ZSWIM9: variants seen among roughly 807,000 people sequenced by gnomAD.
The protein encoded by ZSWIM9 is zinc finger SWIM-type containing 9.
A neutral mutation model predicts 25.0 loss-of-function variants in ZSWIM9; 11 were observed. The observed-to-expected ratio is 0.44, with a 90% CI of 0.28 to 0.73. The LOEUF (loss-of-function observed/expected upper bound fraction) is 0.73. Ranked by LOEUF, ZSWIM9 falls within the 30% of genes least tolerant of loss-of-function variation. The pLI is 0.16. For synonymous variants in ZSWIM9, 562 were observed against 582.1 expected (o/e 0.97, Z 0.50); for missense variants, 1,070 against 1,296.5 (o/e 0.83, Z 2.68).
At position 48,195,872 on chromosome 19, in the gene ZSWIM9, G is replaced by C; in HGVS notation, c.1808G>C (p.Arg603Pro). ...TGGAGGGTGGCCCAGCTGGAAGATCGCAGGAGTACCACCGACCTGAGGGGG... is the reference window on the plus strand; with the variant it reads ...TGGAGGGTGGCCCAGCTGGAAGATCCCAGGAGTACCACCGACCTGAGGGGG... ...YTWRVAQLED[R>P]RSTTDLRGTQ... Residue 603 changes from arginine (R) to proline (P), a missense_variant, in exon 4 of 4, where the codon CGC (arginine) becomes CCC (proline). This residue lies in a region of ZSWIM9 where 583 missense variants were observed against 624.7 expected (regional missense o/e 0.93). Transcript: ENST00000614654. This position sits in a 1 kb window ranked among gnomAD's most constrained non-coding sequence, Gnocchi z 5.8. 7.0e-7 allele frequency: 1 copy of C among 1,419,852 alleles called. No individual in the cohort carries two copies. The allele number at this position is 1,419,852 out of a possible 1,614,324, so 88.0% of individuals were successfully genotyped here.
intron 3 of ZSWIM9, among the ~76,000 whole-genome samples, chr19:48,186,223 T>G (rs988238037): frequency 7.5e-6 from 1 of 133,464 alleles, no homozygotes; most frequent in Non-Finnish European, 1.8e-5. Context: ...AATTTTTAAC[T>G]TTATTTCCTC....
At position 48,189,732 on chromosome 19, in the gene ZSWIM9, A is replaced by G. The variant is rs1019446844; in HGVS notation, c.589-4921A>G. ...ATTATAGGTATGCTTACTTGTACTC[A>G]TATAAAGAAACTCTAGAAGAATACC... On this transcript the variant is annotated intron_variant, in intron 3 of 3. Coordinates refer to ENST00000614654, the MANE Select transcript of ZSWIM9 (RefSeq NM_199341.4). Among the ~76,000 whole-genome samples the G allele has an allele frequency of 4.6e-5, 7 of 152,216 alleles. No individual in the cohort carries two copies. The East Asian group carries it at 1.3e-3, about 29-fold the overall frequency.
chr19:48,193,977 A>T (rs1009656213), intron 3 of ZSWIM9, among the ~76,000 whole-genome samples: 12 of 152,174 alleles, frequency 7.9e-5, no homozygotes, highest in Admixed American at 7.2e-4. Context: ...CAGTGCATGG[A>T]GAAATGAATG....
chr19:48,194,932 C>G lies in ZSWIM9; in HGVS notation c.868C>G (p.Arg290Gly). 1 of 1,320,084 alleles carries G rather than the reference C, an allele frequency of 7.6e-7. No homozygotes were observed. The highest frequency in any genetic ancestry group is 9.6e-7 in the Non-Finnish European group (1 of 1,036,292). The allele number at this position is 1,320,084 out of a possible 1,614,324, so 81.8% of individuals were successfully genotyped here. A position where few individuals can be genotyped will look rare whatever the true frequency, so the allele number is the denominator to read the frequency against. ...QSAPDVKGRV[R>G]CLTAGPEVAA... ...CGCGCCAGACGTCAAGGGCCGCGTG[C>G]GCTGCCTCACCGCCGGGCCCGAGGT... Residue 290 changes from arginine to glycine, a missense_variant, in exon 4 of 4, where the codon CGC becomes GGC. By Grantham distance (125) the Arg-to-Gly change is moderately radical. Coordinates refer to ENST00000614654, the MANE Select transcript of ZSWIM9 (RefSeq NM_199341.4). The surrounding 1 kb of genome is among the most constrained non-coding windows in gnomAD (Gnocchi z 6.0).
Position 48,196,433 on chromosome 19 carries a change from C to G in ZSWIM9, c.2369C>G (p.Ala790Gly). 1.6e-6 allele frequency: 2 copies of G among 1,232,464 alleles called. No individual in the cohort carries two copies. Among genetic ancestry groups the G allele is most frequent in the Non-Finnish European group, 2.0e-6 (2 of 988,306 alleles). 76.3% of individuals were successfully genotyped at this position (1,232,464 alleles called of 1,614,324 possible). The change falls in exon 4 of 4, where the codon GCT becomes GGT. Residue 790 changes from alanine (A) to glycine (G), a missense_variant. Coordinates refer to ENST00000614654, the MANE Select transcript of ZSWIM9 (RefSeq NM_199341.4). ...EWAAARSEHLAAGDGLQEGGE... is the reference protein window; with the variant it reads ...EWAAARSEHLGAGDGLQEGGE... The stretch of plus-strand genomic sequence containing the variant: ...GCAGCGGCGAGGAGTGAACACCTGG[C>G]TGCAGGTGACGGCCTGCAGGAAGGA...
rs770450226 is a variant in ZSWIM9 at position 48,197,287 on chromosome 19, G to C, written c.*460G>C. ...GAGAGGAGGTAAGCGAGAAAAAATG[G>C]AAAGGGGAGCCGGAAATGGAGGAGA... On this transcript the variant is annotated 3_prime_UTR_variant, in exon 4 of 4. Coordinates refer to ENST00000614654, the MANE Select transcript of ZSWIM9 (RefSeq NM_199341.4). The C allele has an allele frequency of 4.3e-5, 30 of 702,596 alleles. No homozygotes were observed. The highest frequency in any genetic ancestry group is 7.5e-5 in the Non-Finnish European group (29 of 384,912). The allele number at this position is 702,596 out of a possible 1,614,324, so 43.5% of individuals were successfully genotyped here.
chr19:48,171,679 T>C, intron 1 of ZSWIM9, 115 bp from the exon 2 acceptor site: 1 of 1,034,556 alleles, frequency 9.7e-7, no homozygotes, highest in Middle Eastern at 3.2e-4. Context: ...GACCCCGGGC[T>C]ACCCACCTCG....
chr19:48,197,138 G>A lies in ZSWIM9; in HGVS notation c.*311G>A. On this transcript the variant is annotated 3_prime_UTR_variant, in exon 4 of 4. Coordinates refer to ENST00000614654, the MANE Select transcript of ZSWIM9 (RefSeq NM_199341.4). Reference sequence around the variant, plus strand: ...CAGGCTGGGACAGAAGGAAGGAAAGGGGCAGAGCTGGGGGGAGGGGGAGGA... The same window carrying A: ...CAGGCTGGGACAGAAGGAAGGAAAGAGGCAGAGCTGGGGGGAGGGGGAGGA... 3 of 686,786 alleles carry A rather than the reference G, an allele frequency of 4.4e-6. No homozygotes were observed. Among genetic ancestry groups the A allele is most frequent in the Non-Finnish European group, 7.9e-6 (3 of 377,706 alleles). 42.5% of individuals were successfully genotyped at this position (686,786 alleles called of 1,614,324 possible).
chr19:48,192,481 A>ATG (rs1263420268), intron 3 of ZSWIM9, among the ~76,000 whole-genome samples: 291 of 20,562 alleles, frequency 0.014, 53 homozygotes, highest in Admixed American at 0.045. Flanking sequence ...AAAAAAAAAA[A>ATG]TATATATATA....
At position 48,196,920 on chromosome 19, in the gene ZSWIM9, T is replaced by G; in HGVS notation, c.*93T>G. Reference sequence around the variant, plus strand: ...ATAGGGCTGAGGCCAAGGAGACCGTTGCAGTCCCCCTGGCCACCTTCTGGG... The same window carrying G: ...ATAGGGCTGAGGCCAAGGAGACCGTGGCAGTCCCCCTGGCCACCTTCTGGG... On this transcript the variant is annotated 3_prime_UTR_variant, in exon 4 of 4. Transcript: ENST00000614654. The G allele has an allele frequency of 8.2e-7, 1 of 1,218,424 alleles. No homozygotes were observed. Among genetic ancestry groups the G allele is most frequent in the Non-Finnish European group, 1.0e-6 (1 of 962,386 alleles). The allele number at this position is 1,218,424 out of a possible 1,614,324, so 75.5% of individuals were successfully genotyped here. A position where few individuals can be genotyped will look rare whatever the true frequency, so the allele number is the denominator to read the frequency against.
chr19:48,181,237 T>A (rs1004929654), intron 2 of ZSWIM9: 2 of 152,202 alleles, frequency 1.3e-5, no homozygotes, highest in African/African-American at 4.8e-5. Flanking sequence ...ATATGTCCAG[T>A]CCCAAGAAAC....
intron 2 of ZSWIM9, among the ~76,000 whole-genome samples, chr19:48,175,930 G>A (rs2123187539): frequency 6.6e-6 from 1 of 152,348 alleles, no homozygotes; most frequent in South Asian, 2.1e-4. Flanking sequence ...GGGTAGTCGG[G>A]TGCGGTGGCT....
In ZSWIM9 at chr19:48,197,136, AG is replaced by A. The variant is rs1162384944; in HGVS notation, c.*313del. ...GTCAGGCTGGGACAGAAGGAAGGAAAGGGGCAGAGCTGGGGGGAGGGGGAGG... is the reference window on the plus strand; with the variant it reads ...GTCAGGCTGGGACAGAAGGAAGGAAAGGGCAGAGCTGGGGGGAGGGGGAGG... On this transcript the variant is annotated 3_prime_UTR_variant, in exon 4 of 4. Transcript: ENST00000614654. 5 of 644,114 alleles carry A rather than the reference AG, an allele frequency of 7.8e-6. No individual in the cohort carries two copies. The highest frequency in any genetic ancestry group is 2.8e-6 in the Non-Finnish European group (1 of 356,780). 39.9% of individuals were successfully genotyped at this position (644,114 alleles called of 1,614,324 possible). A position where few individuals can be genotyped will look rare whatever the true frequency, so the allele number is the denominator to read the frequency against.
At chr19:48,175,440 T>G (rs2036882982) in intron 2 of ZSWIM9, among the ~76,000 whole-genome samples, 1 of 152,036 alleles carries the variant, frequency 6.6e-6, no homozygotes, top group Non-Finnish European at 1.5e-5. Context: ...GGACAGCCCA[T>G]GGGCCGAGGT....
rs149232915 is a variant in ZSWIM9, at chr19:48,194,019, T to G, written c.589-634T>G. Among the ~76,000 whole-genome samples the G allele has an allele frequency of 4.6e-5, 7 of 152,064 alleles. No homozygotes were observed. The East Asian group carries it at 1.4e-3, about 29-fold the overall frequency. On this transcript the variant is annotated intron_variant, in intron 3 of 3. Transcript: ENST00000614654. The surrounding 1 kb of genome is among the most constrained non-coding windows in gnomAD (Gnocchi z 6.0). Reference sequence around the variant, plus strand: ...GCCTAGAAGGGATAATCAGGGAATATGGAGGTTAAGGAGGCAACTGAGGCA... The same window carrying G: ...GCCTAGAAGGGATAATCAGGGAATAGGGAGGTTAAGGAGGCAACTGAGGCA...
chr19:48,187,336 T>C (rs1052951276), intron 3 of ZSWIM9, among the ~76,000 whole-genome samples: 13 of 135,856 alleles, frequency 9.6e-5, no homozygotes, highest in African/African-American at 3.6e-4. Context: ...GAAAGAGTTC[T>C]ATATTATTAT....
At chr19:48,193,416 T>TA (rs1433650170) in intron 3 of ZSWIM9, among the ~76,000 whole-genome samples, 1 of 152,130 alleles carries the variant, frequency 6.6e-6, no homozygotes, top group Non-Finnish European at 1.5e-5. Context: ...GGGGTGCTGT[T>TA]ATAGCCAAGG....
intron 3 of ZSWIM9, chr19:48,189,519 G>C (rs1487859952): frequency 6.5e-6 from 1 of 153,468 alleles, no homozygotes; most frequent in Non-Finnish European, 1.5e-5. Context: ...AGCGAGCCAA[G>C]ATCGTGCTAC....
intron 1 of ZSWIM9, 42 bp from the exon 2 acceptor site, chr19:48,171,752 G>A: frequency 2.7e-6 from 4 of 1,485,464 alleles, no homozygotes; most frequent in Non-Finnish European, 3.6e-6. Flanking sequence ...CCCCGGGTGG[G>A]AATGGGTCTG....
Sources: gnomAD v4.1 joint callset for allele counts (sites outside exome capture counted in the v4.1 genomes callset) on GRCh38, gnomAD v4.1.1 for gene constraint, gnomAD v4.1.1 regional missense constraint, Gnocchi (gnomAD v3.1) non-coding constraint, MANE v1.5 for transcripts, NCBI Gene and HGNC (gene_info 2026-07-23, HGNC 2026-07-21) for gene names.